The following ANKRD27 variants were observed in gnomAD, a reference collection of about 807,000 sequenced individuals.
ANKRD27 encodes the protein ankyrin repeat domain-containing protein 27.
ANKRD27 carries 112 observed loss-of-function variants against 129.7 expected under a neutral mutation model. The ratio of observed to expected loss-of-function variants is 0.86; its 90% CI spans 0.74 to 1.01. ANKRD27 has a LOEUF of 1.01. Among genes scored for constraint, ANKRD27 ranks in the 50% least tolerant of loss-of-function variants. The probability of loss-of-function intolerance (pLI) is 0.00; values close to 1 mark genes in which losing one functional copy is unlikely to be tolerated. For synonymous variants in ANKRD27, 516 were observed against 511.2 expected (o/e 1.01, Z -0.13); for missense variants, 1,258 against 1,300.5 (o/e 0.97, Z 0.50).
Position 32,607,832 on chromosome 19 carries a change from T to C in ANKRD27, c.2176A>G (p.Arg726Gly), listed in dbSNP as rs1197230734. ...QCPKCAPAQK[R>G]LAKVPASGLG... ...CCACTGGCAGGAACCTTCGCCAGCCTCTGGGAAGCGCAGAAGATGGAAACA... is the reference window on the plus strand; with the variant it reads ...CCACTGGCAGGAACCTTCGCCAGCCCCTGGGAAGCGCAGAAGATGGAAACA... The change falls in exon 23 of 29, where the codon AGG becomes GGG. Residue 726 changes from arginine to glycine, a missense_variant and splice_region_variant. Coordinates refer to ENST00000306065, the MANE Select transcript of ANKRD27 (RefSeq NM_032139.3). The C allele has an allele frequency of 5.0e-6, 8 of 1,602,820 alleles. No homozygotes were observed. Among genetic ancestry groups the C allele is most frequent in the Non-Finnish European group, 6.8e-6 (8 of 1,175,310 alleles).
chr19:32,664,617 AAATAATAATAATAATAATAAT>A (rs3042684), intron 1 of ANKRD27, among the ~76,000 whole-genome samples: 2 of 128,332 alleles, frequency 1.6e-5, no homozygotes, highest in Non-Finnish European at 3.3e-5. Flanking sequence ...CTCCATCCCC[AAATAATAATAATAATAATAAT>A]AATAATAATA....
At chr19:32,600,834 T>C (rs1452202440) in intron 26 of ANKRD27, among the ~76,000 whole-genome samples, 1 of 152,138 alleles carries the variant, frequency 6.6e-6, no homozygotes, top group Non-Finnish European at 1.5e-5. Context: ...TATTATTGTA[T>C]TGCATTATTG....
At chr19:32,637,581 G>A (rs1048477042) in intron 12 of ANKRD27, 6 of 152,338 alleles carry the variant, frequency 3.9e-5, no homozygotes, top group African/African-American at 1.4e-4. Context: ...GCGCGGCCAG[G>A]TTTGTGCACT....
Position 32,628,869 on chromosome 19 carries a change from A to G in ANKRD27, c.1210-20T>C, listed in dbSNP as rs1568406160. On this transcript the variant is annotated intron_variant, in intron 13 of 28. Transcript: ENST00000306065. ...AATGTGCTGAAAAGTGACATCCAAGATGCTATCCACATGCTGGAATTACTC... is the reference window on the plus strand; with the variant it reads ...AATGTGCTGAAAAGTGACATCCAAGGTGCTATCCACATGCTGGAATTACTC... The G allele has an allele frequency of 6.2e-7, 1 of 1,613,418 alleles. No homozygotes were observed. Among genetic ancestry groups the G allele is most frequent in the Non-Finnish European group, 8.5e-7 (1 of 1,179,626 alleles).
intron 2 of ANKRD27, 115 bp from the exon 3 acceptor site, chr19:32,649,907 A>T: frequency 1.4e-6 from 1 of 727,196 alleles, no homozygotes; most frequent in East Asian, 2.5e-5. Context: ...GCTGGCAGAG[A>T]GAACGCCCGA....
chr19:32,624,613 C>T (rs922397838), intron 17 of ANKRD27, among the ~76,000 whole-genome samples: 3 of 152,008 alleles, frequency 2.0e-5, no homozygotes, highest in African/African-American at 4.8e-5. Flanking sequence ...TGAAACAGGA[C>T]GTGAAAATGG....
chr19:32,666,328 A>C (rs1372625889), intron 1 of ANKRD27: 1 of 152,220 alleles, frequency 6.6e-6, no homozygotes, highest in Non-Finnish European at 1.5e-5. Context: ...TATGGAACAC[A>C]CCTACCACTA....
At chr19:32,633,466 G>A (rs1376968601) in intron 12 of ANKRD27, among the ~76,000 whole-genome samples, 1 of 151,042 alleles carries the variant, frequency 6.6e-6, no homozygotes, top group Non-Finnish European at 1.5e-5. Flanking sequence ...CCAAGTAGCT[G>A]GGACTAAAGG....
chr19:32,635,515 C>G (rs1335923620), intron 12 of ANKRD27, among the ~76,000 whole-genome samples: 1 of 152,096 alleles, frequency 6.6e-6, no homozygotes, highest in Non-Finnish European at 1.5e-5. Flanking sequence ...ATGTTGCCCA[C>G]ACTGGTCTCC....
intron 17 of ANKRD27, 146 bp downstream of exon 17, chr19:32,625,728 G>C: frequency 1.6e-6 from 1 of 627,298 alleles, no homozygotes; most frequent in South Asian, 2.5e-5. Context: ...CACCGTGCCT[G>C]GCCTAACATT....
At chr19:32,601,073 C>A (rs562250433) in intron 26 of ANKRD27, among the ~76,000 whole-genome samples, 1 of 151,986 alleles carries the variant, frequency 6.6e-6, no homozygotes, top group African/African-American at 2.4e-5. Context: ...CCAAGGAGGG[C>A]GGATCACTTG....
chr19:32,598,059 A>G lies in ANKRD27; in HGVS notation c.*86T>C. ...TCTCAAGCCAGTCTCATGGAAGCAC[A>G]TTTAGTTCTCAGATGTGTTCACGCT... On this transcript the variant is annotated 3_prime_UTR_variant, in exon 29 of 29. Coordinates refer to ENST00000306065, the MANE Select transcript of ANKRD27 (RefSeq NM_032139.3). 1 of 1,269,298 alleles carries G rather than the reference A, an allele frequency of 7.9e-7. No homozygotes were observed. The allele number at this position is 1,269,298 out of a possible 1,614,324, so 78.6% of individuals were successfully genotyped here. A position where few individuals can be genotyped will look rare whatever the true frequency, so the allele number is the denominator to read the frequency against.
At chr19:32,603,847 T>G (rs896715574) in intron 25 of ANKRD27, among the ~76,000 whole-genome samples, 3 of 151,088 alleles carry the variant, frequency 2.0e-5, no homozygotes, top group Admixed American at 6.6e-5. Context: ...CCTCAAGGAG[T>G]TTTAAATCCA....
At position 32,628,843 on chromosome 19, in the gene ANKRD27, C is replaced by G; in HGVS notation, c.1216G>C (p.Ala406Pro). The change falls in exon 14 of 29, where the codon GCA (alanine) becomes CCA (proline). Residue 406 changes from alanine (A) to proline (P), a missense_variant. Coordinates refer to ENST00000306065, the MANE Select transcript of ANKRD27 (RefSeq NM_032139.3). Reference protein sequence around the residue: ...SPTDCLFKHIASGNQKEVERL... With the variant: ...SPTDCLFKHIPSGNQKEVERL... ...TCCACTTCTTTCTGGTTACCTGATG[C>G]AATGTGCTGAAAAGTGACATCCAAG... 6.2e-7 allele frequency: 1 copy of G among 1,614,050 alleles called. No homozygotes were observed. The highest frequency in any genetic ancestry group is 8.5e-7 in the Non-Finnish European group (1 of 1,179,964).
At chr19:32,632,728 T>C (rs1205957639) in intron 12 of ANKRD27, among the ~76,000 whole-genome samples, 1 of 152,212 alleles carries the variant, frequency 6.6e-6, no homozygotes, top group Non-Finnish European at 1.5e-5. Flanking sequence ...GAAAAGGGTC[T>C]TGGTGGGAAG....
At chr19:32,646,067 G>A (rs1967297553) in intron 4 of ANKRD27, among the ~76,000 whole-genome samples, 6 of 151,844 alleles carry the variant, frequency 4.0e-5, no homozygotes, top group Admixed American at 3.9e-4. Context: ...GAGTAGCTGG[G>A]ATTACAGGTG....
chr19:32,661,220 TAC>T (rs71176143), intron 1 of ANKRD27, among the ~76,000 whole-genome samples: 2,516 of 43,414 alleles, frequency 0.058, 33 homozygotes, highest in Non-Finnish European at 0.13. Context: ...AAAAAAATTA[TAC>T]ACACACACAC....
In ANKRD27 at chr19:32,654,061, C is replaced by T. The variant is rs142641376; in HGVS notation, c.103-4269G>A. On this transcript the variant is annotated intron_variant, in intron 2 of 28. Transcript: ENST00000306065. The stretch of plus-strand genomic sequence containing the variant: ...GATTATAGGCATCTGCCACCACGCA[C>T]GGCTAATTTTTTGTATTTTTAGTAG... 5.3e-3 allele frequency among the ~76,000 whole-genome samples: 814 copies of T among 152,212 alleles called. 7 individuals are homozygous for T. Among genetic ancestry groups the T allele is most frequent in the African/African-American group, 0.018 (760 of 41,534 alleles).
intron 1 of ANKRD27, among the ~76,000 whole-genome samples, chr19:32,664,067 A>G (rs1935429757): frequency 6.8e-6 from 1 of 146,204 alleles, no homozygotes; most frequent in South Asian, 2.1e-4. Context: ...AAAAAAAAAA[A>G]AAAAAAAGAA....
Sources: allele counts gnomAD v4.1 joint callset (sites outside exome capture counted in the v4.1 genomes callset), GRCh38; gene constraint gnomAD v4.1.1; transcripts MANE v1.5; gene names NCBI Gene and HGNC (gene_info 2026-07-23, HGNC 2026-07-21).